The following DLG2 variants were observed in gnomAD, a reference collection of about 807,000 sequenced individuals.
The protein encoded by DLG2 is disks large homolog 2.
In DLG2, 45 loss-of-function variants were observed where a neutral mutation model predicts 132.5. The ratio of observed to expected loss-of-function variants is 0.34; its 90% confidence interval spans 0.27 to 0.44. The LOEUF (loss-of-function observed/expected upper bound fraction) is 0.44. DLG2 is among the 20% of genes least tolerant of loss of function. The pLI, the probability that DLG2 is intolerant of heterozygous loss-of-function variation, is 1.00. For synonymous variants in DLG2, 424 were observed against 419.6 expected (o/e 1.01, Z -0.13); for missense variants, 1,045 against 1,196.9 (o/e 0.87, Z 1.87).
At chr11:84,182,074 A>T (rs2096146638) in intron 8 of DLG2, among the ~76,000 whole-genome samples, 1 of 152,168 alleles carries the variant, frequency 6.6e-6, no homozygotes, top group African/African-American at 2.4e-5. Context: ...AGCAGATTAC[A>T]CATTCTTCTC....
At chr11:83,795,384 G>A (rs566434076) in intron 17 of DLG2, among the ~76,000 whole-genome samples, 1 of 149,364 alleles carries the variant, frequency 6.7e-6, no homozygotes, top group South Asian at 2.1e-4. Flanking sequence ...CTCCAGCCTG[G>A]GGGACAGAGT....
At chr11:83,921,252 G>A (rs2077832909) in intron 15 of DLG2, among the ~76,000 whole-genome samples, 1 of 152,062 alleles carries the variant, frequency 6.6e-6, no homozygotes, top group South Asian at 2.1e-4. Context: ...ATCATCATCT[G>A]TATTGTCATT....
At chr11:85,271,780 C>G (rs1276136691) in intron 4 of DLG2, among the ~76,000 whole-genome samples, 1 of 152,242 alleles carries the variant, frequency 6.6e-6, no homozygotes, top group South Asian at 2.1e-4. Flanking sequence ...CCATTTGGAA[C>G]AAGTATTTAC....
intron 6 of DLG2, among the ~76,000 whole-genome samples, chr11:84,776,919 G>A (rs2070640604): frequency 6.6e-6 from 1 of 151,900 alleles, no homozygotes; most frequent in Non-Finnish European, 1.5e-5. Context: ...ATAAATTACT[G>A]GGTAGAAGTG....
intron 6 of DLG2, among the ~76,000 whole-genome samples, chr11:84,911,389 T>C (rs1042261753): frequency 6.6e-6 from 1 of 151,832 alleles, no homozygotes; most frequent in Non-Finnish European, 1.5e-5. Context: ...TTATATCCCA[T>C]TAAATATTTT....
intron 11 of DLG2, among the ~76,000 whole-genome samples, chr11:84,045,885 C>G (rs910218609): frequency 1.3e-5 from 2 of 151,480 alleles, no homozygotes; most frequent in East Asian, 1.9e-4. Context: ...CTGAAGGGCT[C>G]TCTTGTGAAG....
intron 18 of DLG2, among the ~76,000 whole-genome samples, chr11:83,734,653 G>A (rs922017842): frequency 6.6e-5 from 10 of 152,040 alleles, no homozygotes; most frequent in Non-Finnish European, 1.2e-4. Context: ...GTTTCACCAC[G>A]TTGGCTAGGC....
chr11:84,318,648 A>T (rs2098383391), intron 7 of DLG2, among the ~76,000 whole-genome samples: 1 of 152,208 alleles, frequency 6.6e-6, no homozygotes, highest in Non-Finnish European at 1.5e-5. Flanking sequence ...GAAAGTAAGG[A>T]GTAGGATCTT....
In DLG2 at chr11:84,790,679, G is replaced by A. The variant is rs181728196; in HGVS notation, c.358-255948C>T. On this transcript the variant is annotated intron_variant, in intron 6 of 27. Coordinates refer to ENST00000376104, the MANE Select transcript of DLG2 (RefSeq NM_001142699.3). ...TTTGCACAGATCAATGTCCTGGAGG[G>A]TTTCCCTTATGTTTCCTTGTAGTAG... is the stretch of plus-strand genomic sequence containing the variant. 6.6e-3 allele frequency among the ~76,000 whole-genome samples: 1,000 copies of A among 152,268 alleles called. 9 individuals are homozygous for A. Among genetic ancestry groups the A allele is most frequent in the Non-Finnish European group, 9.0e-3 (610 of 68,014 alleles).
intron 9 of DLG2, among the ~76,000 whole-genome samples, chr11:84,152,368 T>C (rs1350148633): frequency 1.3e-5 from 2 of 151,812 alleles, no homozygotes; most frequent in African/African-American, 4.8e-5. Context: ...AAGAATACTG[T>C]CCTCTGCTCT....
intron 17 of DLG2, among the ~76,000 whole-genome samples, chr11:83,808,207 G>C (rs1343875803): frequency 6.6e-6 from 1 of 152,106 alleles, no homozygotes; most frequent in African/African-American, 2.4e-5. Flanking sequence ...TCAGTGCAGG[G>C]ACCAGCTTTC....
At chr11:84,505,872 A>T (rs1283127815) in intron 7 of DLG2, among the ~76,000 whole-genome samples, 1 of 152,140 alleles carries the variant, frequency 6.6e-6, no homozygotes, top group African/African-American at 2.4e-5. Flanking sequence ...CATACATCTT[A>T]GCTTAACTTT....
At chr11:83,672,232 G>C (rs1171662682) in intron 18 of DLG2, among the ~76,000 whole-genome samples, 66 of 151,200 alleles carry the variant, frequency 4.4e-4, no homozygotes, top group Non-Finnish European at 4.4e-5. Context: ...TGTTGCCCAG[G>C]CTACTGCAAT....
At chr11:85,086,292 C>T (rs1333007119) in intron 6 of DLG2, among the ~76,000 whole-genome samples, 4 of 152,060 alleles carry the variant, frequency 2.6e-5, no homozygotes, top group Non-Finnish European at 5.9e-5. Context: ...TAGGGTTTCC[C>T]TCCATGTCTG....
At chr11:84,794,108 A>C (rs540017030) in intron 6 of DLG2, among the ~76,000 whole-genome samples, 1 of 152,320 alleles carries the variant, frequency 6.6e-6, no homozygotes, top group East Asian at 1.9e-4. Context: ...TGCAAGTACT[A>C]TCTTATAACC....
chr11:84,835,750 T>C (rs10898304), intron 6 of DLG2, among the ~76,000 whole-genome samples: 61,788 of 151,442 alleles, frequency 0.41, 13,777 homozygotes, highest in Middle Eastern at 0.54. Flanking sequence ...GTCATTTATT[T>C]ATTTCAAAGG....
chr11:84,039,384 A>T (rs1455208077), intron 11 of DLG2, among the ~76,000 whole-genome samples: 1 of 104,218 alleles, frequency 9.6e-6, no homozygotes, highest in Admixed American at 1.2e-4. Flanking sequence ...CCCACCCCAC[A>T]ACAGTCCCCA....
chr11:84,434,237 A>G (rs868133618), intron 7 of DLG2, among the ~76,000 whole-genome samples: 1 of 152,206 alleles, frequency 6.6e-6, no homozygotes, highest in Non-Finnish European at 1.5e-5. Flanking sequence ...TATTCAATAT[A>G]GTTTATGTAT....
At chr11:84,692,840 A>T (rs575189422) in intron 6 of DLG2, among the ~76,000 whole-genome samples, 1 of 151,862 alleles carries the variant, frequency 6.6e-6, no homozygotes, top group South Asian at 2.1e-4. Flanking sequence ...ATAATAGTTA[A>T]CATTTATTGA....
Sources: gnomAD v4.1 joint callset for allele counts (sites outside exome capture counted in the v4.1 genomes callset) on GRCh38, gnomAD v4.1.1 for gene constraint, MANE v1.5 for transcripts, NCBI Gene and HGNC (gene_info 2026-07-23, HGNC 2026-07-21) for gene names.